KCNH8: variants seen among roughly 807,000 people sequenced by gnomAD.
KCNH8 encodes the protein potassium voltage-gated channel subfamily H member 8, also known as voltage-gated delayed rectifier potassium channel KCNH8.
A neutral mutation model predicts 103.6 loss-of-function variants in KCNH8; 70 were observed. The ratio of observed to expected loss-of-function variants is 0.68; its 90% CI spans 0.56 to 0.82. The LOEUF (loss-of-function observed/expected upper bound fraction) is 0.82. Among genes scored for constraint, KCNH8 ranks in the 40% least tolerant of loss-of-function variants. KCNH8 has a pLI of 0.00. For synonymous variants in KCNH8, 498 were observed against 489.4 expected (o/e 1.02, Z -0.23); for missense variants, 1,217 against 1,329.9 (o/e 0.92, Z 1.32).
At chr3:19,232,945 A>G (rs2064013307) in intron 1 of KCNH8, among the ~76,000 whole-genome samples, 1 of 152,054 alleles carries the variant, frequency 6.6e-6, no homozygotes, top group Non-Finnish European at 1.5e-5. Context: ...TAAAATGGCA[A>G]TTTTCTATGA....
rs375579665 is a variant in KCNH8 at position 19,321,717 on chromosome 3, A to T, written c.443-20870A>T. ...TCTATTTGTTCTAGAGTATAGTTTA[A>T]GTCCATGGTTTCTTTGTTGACTTTC... On this transcript the variant is annotated intron_variant, in intron 3 of 15. Coordinates refer to ENST00000328405, the MANE Select transcript of KCNH8 (RefSeq NM_144633.3). 8.5e-5 allele frequency among the ~76,000 whole-genome samples: 13 copies of T among 152,154 alleles called. 1 individual carries two copies. The highest frequency in any genetic ancestry group is 4.6e-4 in the Admixed American group (7 of 15,276).
intron 15 of KCNH8, among the ~76,000 whole-genome samples, chr3:19,524,728 T>G (rs2069033766): frequency 6.6e-6 from 1 of 151,942 alleles, no homozygotes; most frequent in African/African-American, 2.4e-5. Context: ...CATCTTTGAA[T>G]AGAAGGACTA....
chr3:19,433,752 C>T (rs1053499884), intron 7 of KCNH8, among the ~76,000 whole-genome samples: 2 of 152,174 alleles, frequency 1.3e-5, no homozygotes, highest in Non-Finnish European at 2.9e-5. Flanking sequence ...AATTCCAAGT[C>T]GTAACTGCTT....
chr3:19,344,985 C>T (rs912072220), intron 4 of KCNH8, among the ~76,000 whole-genome samples: 2 of 152,046 alleles, frequency 1.3e-5, no homozygotes, highest in African/African-American at 4.8e-5. Context: ...TGCTGCTTCT[C>T]GGATACAGTT....
chr3:19,189,871 C>A (rs993965998), intron 1 of KCNH8, among the ~76,000 whole-genome samples: 4 of 151,870 alleles, frequency 2.6e-5, no homozygotes, highest in Non-Finnish European at 5.9e-5. Context: ...GCTATAAATA[C>A]AAAATTAAAA....
In KCNH8 at chr3:19,308,117, ATATGT is replaced by A. The variant is rs534184012; in HGVS notation, c.442+26792_442+26796del. ...ATTATGCTACTCTGATCTGATTGCT[ATATGT>A]TATATGTATTGAAACAGCACTAGGT... is the stretch of plus-strand genomic sequence containing the variant. On this transcript the variant is annotated intron_variant, in intron 3 of 15. Coordinates refer to ENST00000328405, the MANE Select transcript of KCNH8 (RefSeq NM_144633.3). Among the ~76,000 whole-genome samples the A allele has an allele frequency of 8.8e-4, 134 of 152,044 alleles. 1 individual carries two copies. In the South Asian group the frequency reaches 0.022, roughly 25 times the overall value.
rs1291885747 is a variant in KCNH8, at chr3:19,518,063, C to T, written c.2608C>T (p.Leu870Phe). 2 of 1,611,552 alleles carry T rather than the reference C, an allele frequency of 1.2e-6. No individual in the cohort carries two copies. ...AEETKQQINK[L>F]NSEVTTLTQE... is the part of the protein sequence containing the mutation. ...GGAGACCAAGCAGCAGATAAACAAA[C>T]TCAACAGTGAGGTATGGAGCTCTTT... Residue 870 changes from leucine to phenylalanine, a missense_variant, in exon 15 of 16, where the codon CTC (leucine) becomes TTC (phenylalanine). This residue lies in a region of KCNH8 where 558 missense variants were observed against 495.8 expected (regional missense o/e 1.13). Transcript: ENST00000328405.
intron 3 of KCNH8, among the ~76,000 whole-genome samples, chr3:19,340,357 ATTT>A (rs33979047): frequency 0.033 from 4,700 of 143,970 alleles, 108 homozygotes; most frequent in Non-Finnish European, 0.045. Flanking sequence ...TTTTTTTTTA[ATTT>A]TTTTTTTTTT....
chr3:19,285,955 A>G (rs2064826119), intron 3 of KCNH8, among the ~76,000 whole-genome samples: 1 of 152,238 alleles, frequency 6.6e-6, no homozygotes, highest in Non-Finnish European at 1.5e-5. Flanking sequence ...AGGAGAAATA[A>G]TATTGAAGCA....
chr3:19,244,449 T>C (rs1199313506), intron 1 of KCNH8, among the ~76,000 whole-genome samples: 1 of 152,154 alleles, frequency 6.6e-6, no homozygotes, highest in Non-Finnish European at 1.5e-5. Flanking sequence ...TTGTTGTTGT[T>C]GTTATAATGA....
chr3:19,150,525 A>G (rs1203486952), intron 1 of KCNH8, among the ~76,000 whole-genome samples: 2 of 152,192 alleles, frequency 1.3e-5, no homozygotes, highest in Non-Finnish European at 1.5e-5. Context: ...GAATTACTGC[A>G]GTGATACATT....
intron 7 of KCNH8, among the ~76,000 whole-genome samples, chr3:19,413,124 G>A (rs917597769): frequency 2.9e-5 from 4 of 137,438 alleles, no homozygotes; most frequent in African/African-American, 1.1e-4. Context: ...CAATATGGGT[G>A]CCTATCAGCG....
chr3:19,400,121 G>A (rs564728932), intron 7 of KCNH8, among the ~76,000 whole-genome samples: 1 of 147,040 alleles, frequency 6.8e-6, no homozygotes, highest in Admixed American at 7.1e-5. Flanking sequence ...AGGACAAGAA[G>A]ACTCTTTCCA....
At chr3:19,382,830 A>T (rs112475142) in intron 5 of KCNH8, among the ~76,000 whole-genome samples, 1 of 151,976 alleles carries the variant, frequency 6.6e-6, no homozygotes, top group Non-Finnish European at 1.5e-5. Flanking sequence ...AGCAATCTCA[A>T]TGTCTCAGTG....
intron 3 of KCNH8, among the ~76,000 whole-genome samples, chr3:19,320,909 G>A (rs1411006177): frequency 6.6e-6 from 1 of 151,564 alleles, no homozygotes; most frequent in Non-Finnish European, 1.5e-5. Flanking sequence ...TTTAATCTAC[G>A]AGGGTTGCAT....
At chr3:19,319,833 T>C (rs1044130993) in intron 3 of KCNH8, among the ~76,000 whole-genome samples, 1 of 152,126 alleles carries the variant, frequency 6.6e-6, no homozygotes, top group African/African-American at 2.4e-5. Context: ...TGTCTATGAT[T>C]TCTTTCAGCA....
intron 7 of KCNH8, among the ~76,000 whole-genome samples, chr3:19,429,872 A>G (rs973939519): frequency 6.6e-6 from 1 of 152,124 alleles, no homozygotes; most frequent in Non-Finnish European, 1.5e-5. Flanking sequence ...CTCCAGCTCC[A>G]TCCGTGTTCC....
At chr3:19,460,442 C>T (rs909697980) in intron 11 of KCNH8, among the ~76,000 whole-genome samples, 2 of 152,162 alleles carry the variant, frequency 1.3e-5, no homozygotes, top group Non-Finnish European at 2.9e-5. Context: ...TTAAAGGGAA[C>T]ATCAATGCAG....
intron 3 of KCNH8, among the ~76,000 whole-genome samples, chr3:19,336,828 A>G (rs2065591065): frequency 6.6e-6 from 1 of 151,964 alleles, no homozygotes; most frequent in East Asian, 1.9e-4. Context: ...CTGTTTTTTT[A>G]AAAAGCATGT....
Sources: allele counts gnomAD v4.1 joint callset (sites outside exome capture counted in the v4.1 genomes callset), GRCh38; gene constraint gnomAD v4.1.1; regional missense constraint gnomAD v4.1.1; transcripts MANE v1.5; gene names NCBI Gene and HGNC (gene_info 2026-07-23, HGNC 2026-07-21).